KCNIP2: variants seen among roughly 807,000 people sequenced by gnomAD.
The protein encoded by KCNIP2 is A-type potassium channel modulatory protein KCNIP2.
A neutral mutation model predicts 39.0 loss-of-function variants in KCNIP2; 19 were observed. The ratio of observed to expected loss-of-function variants is 0.49; its 90% CI spans 0.34 to 0.71. KCNIP2 has a LOEUF of 0.71. Ranked by LOEUF, KCNIP2 falls within the 30% of genes least tolerant of loss-of-function variation. KCNIP2 has a pLI of 0.01. For synonymous variants in KCNIP2, 111 were observed against 131.2 expected, an observed-to-expected ratio of 0.85 and a Z score of 1.05; for missense variants, 261 against 346.0, an observed-to-expected ratio of 0.75 and a Z score of 1.95.
chr10:101,827,216 T>G lies in KCNIP2; in HGVS notation c.*137A>C. On this transcript the variant is annotated 3_prime_UTR_variant, in exon 10 of 10. Coordinates refer to ENST00000356640, the MANE Select transcript of KCNIP2 (RefSeq NM_173191.3). The stretch of plus-strand genomic sequence containing the variant: ...AGCTCCAGAGATCTGGACTACTGAA[T>G]CCCCAAGCTCTTGGATCCCTCCAGC... 1 of 1,373,128 alleles carries G rather than the reference T, an allele frequency of 7.3e-7. No individual in the cohort carries two copies. The highest frequency in any genetic ancestry group is 2.3e-5 in the South Asian group (1 of 43,014). 85.1% of individuals were successfully genotyped at this position (1,373,128 alleles called of 1,614,324 possible).
At chr10:101,831,013 G>T in intron 2 of KCNIP2, 59 bp downstream of exon 2, 1 of 1,418,542 alleles carries the variant, frequency 7.0e-7, no homozygotes, top group East Asian at 2.3e-5. Context: ...ACACACTCAT[G>T]CACAGACACG....
At chr10:101,830,300 T>C in intron 2 of KCNIP2, 1 of 864,476 alleles carries the variant, frequency 1.2e-6, no homozygotes, top group Non-Finnish European at 1.6e-6. Flanking sequence ...TACCCTGGCG[T>C]CTGGAGGAGG....
chr10:101,828,965 T>A lies in KCNIP2; in HGVS notation c.348+110A>T. On this transcript the variant is annotated intron_variant, in intron 4 of 9. Transcript: ENST00000356640. The surrounding 1 kb of genome is among the most constrained non-coding windows in gnomAD (Gnocchi z 6.6). ...AGAAGTTCAGTCTCAGGGCCTTGCCTCCCTTCCGCCCACACCTCAAGCATC... is the reference window on the plus strand; with the variant it reads ...AGAAGTTCAGTCTCAGGGCCTTGCCACCCTTCCGCCCACACCTCAAGCATC... The A allele has an allele frequency of 6.5e-7, 1 of 1,533,786 alleles. No individual in the cohort carries two copies. The highest frequency in any genetic ancestry group is 8.8e-7 in the Non-Finnish European group (1 of 1,137,516).
At chr10:101,827,852 C>T (rs2065797375) in intron 8 of KCNIP2, 37 bp downstream of exon 8, 1 of 1,569,300 alleles carries the variant, frequency 6.4e-7, no homozygotes, top group East Asian at 2.2e-5. Flanking sequence ...TTCTTCCCTT[C>T]ACTCCAGGGC....
In KCNIP2 at chr10:101,838,370, G is replaced by A. The variant is rs2066224590; in HGVS notation, c.73+5126C>T. On this transcript the variant is annotated intron_variant, in intron 1 of 9. Transcript: ENST00000356640. The surrounding 1 kb of genome is among the most constrained non-coding windows in gnomAD (Gnocchi z 4.0). ...AATGTGAGTAACACTGCCTTGTGGG[G>A]GAACCCACTCTATGCAACTGTCCCA... 6.6e-6 allele frequency among the ~76,000 whole-genome samples: 1 copy of A among 152,054 alleles called. No individual in the cohort carries two copies. The highest frequency in any genetic ancestry group is 1.5e-5 in the Non-Finnish European group (1 of 68,002).
chr10:101,829,277 C>T, intron 3 of KCNIP2, 78 bp from the exon 4 acceptor site: 1 of 1,470,070 alleles, frequency 6.8e-7, no homozygotes, highest in African/African-American at 1.4e-5. Flanking sequence ...CCATTCACCC[C>T]CTCCCCGCCC....
chr10:101,829,933 AC>A (rs1482849112), intron 2 of KCNIP2, 36 bp from the exon 3 acceptor site: 2 of 1,541,744 alleles, frequency 1.3e-6, no homozygotes, highest in South Asian at 2.4e-5. Flanking sequence ...AAAGCGGAAG[AC>A]CCGGCCAACT....
chr10:101,828,595 C>T lies in KCNIP2; in HGVS notation c.418+32G>A, dbSNP rs777579467. On this transcript the variant is annotated intron_variant, in intron 5 of 9. Coordinates refer to ENST00000356640, the MANE Select transcript of KCNIP2 (RefSeq NM_173191.3). This position sits in a 1 kb window ranked among gnomAD's most constrained non-coding sequence, Gnocchi z 6.6. ...CTCCCTCCCTCAGCCTAGAGAAGGA[C>T]AACTGCTTCCCCTTGGGCCTTGTCC... The T allele has an allele frequency of 6.2e-7, 1 of 1,608,574 alleles. No individual in the cohort carries two copies. The highest frequency in any genetic ancestry group is 1.1e-5 in the South Asian group (1 of 90,916).
In KCNIP2 at chr10:101,828,902, G is replaced by T; in HGVS notation, c.348+173C>A. The T allele has an allele frequency of 6.6e-7, 1 of 1,526,060 alleles. No homozygotes were observed. The allele number at this position is 1,526,060 out of a possible 1,614,324, so 94.5% of individuals were successfully genotyped here. On this transcript the variant is annotated intron_variant, in intron 4 of 9. Coordinates refer to ENST00000356640, the MANE Select transcript of KCNIP2 (RefSeq NM_173191.3). The surrounding 1 kb of genome is among the most constrained non-coding windows in gnomAD (Gnocchi z 6.6). ...GGAACGAAACTGACAGTCTACAGGC[G>T]CCACTTCCGTTCTGGCCCCGCCCCA... is the stretch of plus-strand genomic sequence containing the variant.
In KCNIP2 at chr10:101,827,237, C is replaced by A; in HGVS notation, c.*116G>T. 1 of 1,417,216 alleles carries A rather than the reference C, an allele frequency of 7.1e-7. No individual in the cohort carries two copies. Among genetic ancestry groups the A allele is most frequent in the Non-Finnish European group, 9.2e-7 (1 of 1,082,840 alleles). 87.8% of individuals were successfully genotyped at this position (1,417,216 alleles called of 1,614,324 possible). ...TGAATCCCCAAGCTCTTGGATCCCTCCAGCCCCCAGGGAGGCGTAGGATGA... is the reference window on the plus strand; with the variant it reads ...TGAATCCCCAAGCTCTTGGATCCCTACAGCCCCCAGGGAGGCGTAGGATGA... On this transcript the variant is annotated 3_prime_UTR_variant, in exon 10 of 10. Coordinates refer to ENST00000356640, the MANE Select transcript of KCNIP2 (RefSeq NM_173191.3).
rs930446320 is a variant in KCNIP2 at position 101,843,026 on chromosome 10, G to C, written c.73+470C>G. ...CACTCACAACACATCGTTGCACATA[G>C]AGACACATGGTCAAAACAACTTCAT... On this transcript the variant is annotated intron_variant, in intron 1 of 9. Coordinates refer to ENST00000356640, the MANE Select transcript of KCNIP2 (RefSeq NM_173191.3). This position sits in a 1 kb window ranked among gnomAD's most constrained non-coding sequence, Gnocchi z 6.7. Among the ~76,000 whole-genome samples the C allele has an allele frequency of 6.6e-6, 1 of 152,164 alleles. No individual in the cohort carries two copies. Among genetic ancestry groups the C allele is most frequent in the Non-Finnish European group, 1.5e-5 (1 of 68,034 alleles).
intron 1 of KCNIP2, among the ~76,000 whole-genome samples, chr10:101,836,290 T>G (rs1201644459): frequency 2.7e-5 from 4 of 149,352 alleles, no homozygotes; most frequent in Non-Finnish European, 6.0e-5. Flanking sequence ...TTTTTTTTTT[T>G]TTTTTGAGAC....
In KCNIP2 at chr10:101,828,764, C is replaced by T. The variant is rs772497278; in HGVS notation, c.349-68G>A. 1.2e-6 allele frequency: 2 copies of T among 1,612,982 alleles called. No individual in the cohort carries two copies. The highest frequency in any genetic ancestry group is 1.7e-6 in the Non-Finnish European group (2 of 1,179,398). ...CCTTCCGTTCACCGCCCCCACCCTCCATGGCCCAAGACTCCCAGGGAGGGG... is the reference window on the plus strand; with the variant it reads ...CCTTCCGTTCACCGCCCCCACCCTCTATGGCCCAAGACTCCCAGGGAGGGG... On this transcript the variant is annotated intron_variant, in intron 4 of 9. Transcript: ENST00000356640. The surrounding 1 kb of genome is among the most constrained non-coding windows in gnomAD (Gnocchi z 6.6).
In KCNIP2 at chr10:101,827,148, G is replaced by T. The variant is rs1213356510; in HGVS notation, c.*205C>A. 1.6e-6 allele frequency: 2 copies of T among 1,228,364 alleles called. No individual in the cohort carries two copies. Among genetic ancestry groups the T allele is most frequent in the African/African-American group, 3.1e-5 (2 of 65,450 alleles). The allele number at this position is 1,228,364 out of a possible 1,614,324, so 76.1% of individuals were successfully genotyped here. On this transcript the variant is annotated 3_prime_UTR_variant, in exon 10 of 10. Transcript: ENST00000356640. ...GGGGGTGAGAGCTGGTGGGAGTTGG[G>T]AACACCCCCCGAGATGCACTCTGCC...
chr10:101,832,984 T>C (rs751465002), intron 1 of KCNIP2, among the ~76,000 whole-genome samples: 11 of 152,200 alleles, frequency 7.2e-5, no homozygotes, highest in Non-Finnish European at 1.6e-4. Flanking sequence ...TCCAACTCCC[T>C]GTTCCCCACT....
At position 101,827,165 on chromosome 10, in the gene KCNIP2, C is replaced by T. The variant is rs1314307581; in HGVS notation, c.*188G>A. On this transcript the variant is annotated 3_prime_UTR_variant, in exon 10 of 10. Transcript: ENST00000356640. The stretch of plus-strand genomic sequence containing the variant: ...GGAGTTGGGAACACCCCCCGAGATG[C>T]ACTCTGCCCACTCTCTGGCCCCTTC... 2 of 1,289,826 alleles carry T rather than the reference C, an allele frequency of 1.6e-6. No homozygotes were observed. Among genetic ancestry groups the T allele is most frequent in the Non-Finnish European group, 2.0e-6 (2 of 1,012,308 alleles). 79.9% of individuals were successfully genotyped at this position (1,289,826 alleles called of 1,614,324 possible).
chr10:101,827,550 TA>T, intron 9 of KCNIP2, 138 bp downstream of exon 9: 2 of 1,288,148 alleles, frequency 1.6e-6, no homozygotes, highest in Non-Finnish European at 2.3e-6. Flanking sequence ...AGGGAAGGGG[TA>T]AGCCTCCCAC....
chr10:101,843,393 G>A lies in KCNIP2; in HGVS notation c.73+103C>T. ...ACCGGCCATAAGAGTGCCTGGGAAT[G>A]GGGCAGAGTGTGGGTGCGGGCCAGG... On this transcript the variant is annotated intron_variant, in intron 1 of 9. Transcript: ENST00000356640. This position sits in a 1 kb window ranked among gnomAD's most constrained non-coding sequence, Gnocchi z 6.7. 1 of 670,280 alleles carries A rather than the reference G, an allele frequency of 1.5e-6. No individual in the cohort carries two copies. Among genetic ancestry groups the A allele is most frequent in the South Asian group, 4.6e-5 (1 of 21,678 alleles). The allele number at this position is 670,280 out of a possible 1,614,324, so 41.5% of individuals were successfully genotyped here. A position where few individuals can be genotyped will look rare whatever the true frequency, so the allele number is the denominator to read the frequency against.
Position 101,828,075 on chromosome 10 carries a change from A to G in KCNIP2, c.597+76T>C, listed in dbSNP as rs2065806818. ...CCTTGCTTGTGGGCATATGTGGGTC[A>G]TATTTCCCTCCCATCACCCTCTGCA... On this transcript the variant is annotated intron_variant, in intron 7 of 9. Coordinates refer to ENST00000356640, the MANE Select transcript of KCNIP2 (RefSeq NM_173191.3). The surrounding 1 kb of genome is among the most constrained non-coding windows in gnomAD (Gnocchi z 6.6). 1.3e-6 allele frequency: 2 copies of G among 1,550,058 alleles called. No homozygotes were observed. Among genetic ancestry groups the G allele is most frequent in the Non-Finnish European group, 1.8e-6 (2 of 1,121,904 alleles).
Sources: gnomAD v4.1 joint callset for allele counts (sites outside exome capture counted in the v4.1 genomes callset) on GRCh38, gnomAD v4.1.1 for gene constraint, Gnocchi (gnomAD v3.1) non-coding constraint, MANE v1.5 for transcripts, NCBI Gene and HGNC (gene_info 2026-07-23, HGNC 2026-07-21) for gene names.